The following WWOX variants were observed in gnomAD, a reference collection of about 807,000 sequenced individuals.
WWOX encodes the protein WW domain containing oxidoreductase.
Under a neutral mutation model 46.2 loss-of-function variants are expected in WWOX, and 69 were observed. The ratio of observed to expected loss-of-function variants is 1.49; its 90% CI spans 1.23 to 1.82. The LOEUF (loss-of-function observed/expected upper bound fraction) is 1.82. Ranked by LOEUF, WWOX falls within the 40% of genes most tolerant of loss-of-function variation. The probability of loss-of-function intolerance (pLI) is 0.00; values close to 1 mark genes in which losing one functional copy is unlikely to be tolerated. For synonymous variants in WWOX, 359 were observed against 202.6 expected (o/e 1.77, Z -6.56); for missense variants, 919 against 542.6 (o/e 1.69, Z -6.89).
chr16:78,875,548 C>T (rs1020241760), intron 8 of WWOX, among the ~76,000 whole-genome samples: 3 of 152,190 alleles, frequency 2.0e-5, no homozygotes, highest in African/African-American at 7.2e-5. Context: ...CTGTTCTTGG[C>T]TATATGGAAT....
intron 8 of WWOX, among the ~76,000 whole-genome samples, chr16:79,116,870 C>T (rs2049526772): frequency 1.3e-5 from 2 of 152,094 alleles, no homozygotes; most frequent in Middle Eastern, 3.4e-3. Context: ...TCTGTGGCAC[C>T]TGTAGGCTTC....
rs142882663 is a variant in WWOX at position 78,887,063 on chromosome 16, A to ATG, written c.1057-324532_1057-324531dup. Among the ~76,000 whole-genome samples the ATG allele has an allele frequency of 4.5e-3, 138 of 31,006 alleles. 7 individuals carry two copies. The highest frequency in any genetic ancestry group is 0.062 in the Middle Eastern group (2 of 32). The allele number at this position is 31,006 out of a possible 152,430, so 20.3% of individuals were successfully genotyped here. A position where few individuals can be genotyped will look rare whatever the true frequency, so the allele number is the denominator to read the frequency against. ...AGTGATGAAGTGACAGTCTGGCTAT[A>ATG]TGTGTGTGTGTGTGGTGTGTGTGTG... On this transcript the variant is annotated intron_variant, in intron 8 of 8. Transcript: ENST00000566780.
At chr16:78,128,263 G>A (rs573020897) in intron 4 of WWOX, among the ~76,000 whole-genome samples, 49 of 152,224 alleles carry the variant, frequency 3.2e-4, no homozygotes, top group African/African-American at 9.6e-4. Flanking sequence ...GAAGTGAACC[G>A]GATGTCCGGT....
At chr16:78,573,679 T>A (rs533834122) in intron 8 of WWOX, among the ~76,000 whole-genome samples, 1 of 152,320 alleles carries the variant, frequency 6.6e-6, no homozygotes, top group East Asian at 1.9e-4. Flanking sequence ...TAGACAGCCA[T>A]AAGATGGGTA....
chr16:78,889,144 A>G (rs1194026176), intron 8 of WWOX, among the ~76,000 whole-genome samples: 1 of 152,166 alleles, frequency 6.6e-6, no homozygotes, highest in Non-Finnish European at 1.5e-5. Flanking sequence ...CCCTTCAGGA[A>G]TACGGCTTAA....
chr16:78,662,164 C>T (rs2047228834), intron 8 of WWOX, among the ~76,000 whole-genome samples: 1 of 152,086 alleles, frequency 6.6e-6, no homozygotes, highest in African/African-American at 2.4e-5. Context: ...CAGTGAGGCA[C>T]AGTGGGGAGC....
chr16:78,334,848 A>G (rs1417828154), intron 5 of WWOX, among the ~76,000 whole-genome samples: 2 of 147,138 alleles, frequency 1.4e-5, no homozygotes, highest in African/African-American at 5.3e-5. Context: ...ACACACACAC[A>G]CACACACAAA....
chr16:78,444,006 A>T (rs376337181), intron 8 of WWOX, among the ~76,000 whole-genome samples: 1 of 152,170 alleles, frequency 6.6e-6, no homozygotes, highest in East Asian at 1.9e-4. Context: ...TGTATAACTC[A>T]CTGGACATGT....
intron 5 of WWOX, among the ~76,000 whole-genome samples, chr16:78,236,124 G>C (rs1447310943): frequency 6.6e-6 from 1 of 152,208 alleles, no homozygotes; most frequent in Non-Finnish European, 1.5e-5. Flanking sequence ...GCCAGCCTCT[G>C]ACTCTGGTGT....
intron 8 of WWOX, among the ~76,000 whole-genome samples, chr16:78,932,419 T>C (rs912797447): frequency 4.6e-5 from 7 of 152,232 alleles, no homozygotes; most frequent in African/African-American, 1.7e-4. Flanking sequence ...AAGAACATGC[T>C]GCGTCAGAGA....
At chr16:79,206,896 C>G (rs2051530894) in intron 8 of WWOX, among the ~76,000 whole-genome samples, 1 of 152,152 alleles carries the variant, frequency 6.6e-6, no homozygotes, top group African/African-American at 2.4e-5. Context: ...TAAAAGATTG[C>G]TCTTGGATAG....
intron 8 of WWOX, among the ~76,000 whole-genome samples, chr16:78,998,056 A>G (rs138744059): frequency 0.013 from 2,008 of 152,058 alleles, 48 homozygotes; most frequent in African/African-American, 0.046. Context: ...TTGTGTTTTT[A>G]GTAAAGACAG....
At chr16:78,736,886 G>A (rs1419970091) in intron 8 of WWOX, among the ~76,000 whole-genome samples, 2 of 152,096 alleles carry the variant, frequency 1.3e-5, no homozygotes. Context: ...TGGGATTATA[G>A]GCATGAGGCA....
intron 8 of WWOX, among the ~76,000 whole-genome samples, chr16:79,178,300 A>T (rs2050841965): frequency 6.6e-6 from 1 of 152,154 alleles, no homozygotes; most frequent in Non-Finnish European, 1.5e-5. Context: ...CAGTTTGCTG[A>T]TCCCTGTTTT....
At chr16:79,152,035 G>A (rs2050289565) in intron 8 of WWOX, among the ~76,000 whole-genome samples, 1 of 152,170 alleles carries the variant, frequency 6.6e-6, no homozygotes, top group South Asian at 2.1e-4. Context: ...CAGAAGTTGG[G>A]AATCATAGAA....
At chr16:78,218,247 A>C (rs1365718947) in intron 5 of WWOX, among the ~76,000 whole-genome samples, 1 of 151,846 alleles carries the variant, frequency 6.6e-6, no homozygotes, top group Admixed American at 6.6e-5. Flanking sequence ...ATGTATGTGC[A>C]TGTGTGTTTA....
chr16:78,539,389 T>A (rs966316073), intron 8 of WWOX, among the ~76,000 whole-genome samples: 2 of 152,238 alleles, frequency 1.3e-5, no homozygotes, highest in Non-Finnish European at 2.9e-5. Flanking sequence ...GCCATTGTTG[T>A]AGCCTTAGAA....
intron 8 of WWOX, among the ~76,000 whole-genome samples, chr16:78,642,219 C>G (rs1182255171): frequency 6.6e-6 from 1 of 152,036 alleles, no homozygotes; most frequent in Non-Finnish European, 1.5e-5. Context: ...CTATAGCATC[C>G]CATGTTGTCA....
intron 8 of WWOX, among the ~76,000 whole-genome samples, chr16:78,621,751 C>G (rs1288128562): frequency 2.0e-5 from 3 of 151,426 alleles, no homozygotes; most frequent in African/African-American, 7.3e-5. Flanking sequence ...ACTACAGGCA[C>G]TCACCACCAT....
Sources: allele counts gnomAD v4.1 joint callset (sites outside exome capture counted in the v4.1 genomes callset), GRCh38; gene constraint gnomAD v4.1.1; transcripts MANE v1.5; gene names NCBI Gene and HGNC (gene_info 2026-07-23, HGNC 2026-07-21).